The following SEMA3D variants were observed in gnomAD, a reference collection of about 807,000 sequenced individuals.
The protein encoded by SEMA3D is semaphorin-3D.
In SEMA3D, 84 loss-of-function variants were observed where a neutral mutation model predicts 100.1. The observed-to-expected ratio is 0.84, with a 90% confidence interval of 0.70 to 1.01. The LOEUF is 1.01. Ranked by LOEUF, SEMA3D falls within the 50% of genes least tolerant of loss-of-function variation. The pLI, the probability that SEMA3D is intolerant of heterozygous loss-of-function variation, is 0.00. For synonymous variants in SEMA3D, 312 were observed against 320.7 expected, an observed-to-expected ratio of 0.97 and a Z score of 0.29; for missense variants, 875 against 934.1, an observed-to-expected ratio of 0.94 and a Z score of 0.82.
intron 2 of SEMA3D, among the ~76,000 whole-genome samples, chr7:85,128,230 C>T (rs951227390): frequency 1.3e-5 from 2 of 151,760 alleles, no homozygotes; most frequent in African/African-American, 4.8e-5. Flanking sequence ...TGCAGTGGAG[C>T]AATATCTGCT....
At chr7:85,114,765 A>G (rs574163570) in intron 3 of SEMA3D, among the ~76,000 whole-genome samples, 22 of 152,338 alleles carry the variant, frequency 1.4e-4, no homozygotes, top group Admixed American at 1.4e-3. Context: ...CTCCTTATAT[A>G]TAAGAATAAG....
intron 8 of SEMA3D, among the ~76,000 whole-genome samples, chr7:85,063,024 A>T (rs1044306991): frequency 6.6e-5 from 10 of 152,186 alleles, no homozygotes; most frequent in Non-Finnish European, 1.2e-4. Context: ...GTACCACATG[A>T]TACCTAATAA....
At chr7:85,105,362 G>A (rs1373764520) in intron 3 of SEMA3D, among the ~76,000 whole-genome samples, 2 of 151,948 alleles carry the variant, frequency 1.3e-5, no homozygotes, top group South Asian at 4.1e-4. Flanking sequence ...TTAACATTGG[G>A]AAAATTAGCT....
the SEMA3D span, among the ~76,000 whole-genome samples, chr7:85,239,848 G>A: frequency 6.3e-4 from 96 of 152,208 alleles, 2 homozygotes; most frequent in South Asian, 9.3e-3. Context: ...AAAGGAAAGC[G>A]ATTGTCTTTT....
At chr7:85,222,551 A>T in the SEMA3D span, among the ~76,000 whole-genome samples, 1 of 152,106 alleles carries the variant, frequency 6.6e-6, no homozygotes, top group Non-Finnish European at 1.5e-5. Flanking sequence ...TCACTGTTCT[A>T]AAAGTATGGC....
chr7:84,997,578 T>C lies in SEMA3D; in HGVS notation c.*1862A>G, dbSNP rs993726238. 6.6e-6 allele frequency: 1 copy of C among 152,178 alleles called. No homozygotes were observed. The highest frequency in any genetic ancestry group is 1.5e-5 in the Non-Finnish European group (1 of 67,988). 9.4% of individuals were successfully genotyped at this position (152,178 alleles called of 1,614,324 possible). On this transcript the variant is annotated 3_prime_UTR_variant, in exon 19 of 19. Transcript: ENST00000284136. ...TAATATCAAAAGGGAGTACTCAATC[T>C]CATATATCAGTTTGACTACTTTGAG...
chr7:85,124,896 T>C (rs1789522178), intron 2 of SEMA3D, among the ~76,000 whole-genome samples: 1 of 152,090 alleles, frequency 6.6e-6, no homozygotes, highest in Non-Finnish European at 1.5e-5. Context: ...CGTACTGCCT[T>C]TTGGTATTGA....
At chr7:85,244,980 G>A in the SEMA3D span, among the ~76,000 whole-genome samples, 13 of 152,084 alleles carry the variant, frequency 8.5e-5, no homozygotes, top group Non-Finnish European at 1.8e-4. Context: ...AAAGTGTTGG[G>A]ATTTACAGGC....
At chr7:85,024,831 CAA>C (rs1281834209) in intron 12 of SEMA3D, among the ~76,000 whole-genome samples, 1 of 151,918 alleles carries the variant, frequency 6.6e-6, no homozygotes, top group Non-Finnish European at 1.5e-5. Context: ...TCAGTACATT[CAA>C]ACCAGTGGAA....
chr7:85,237,178 T>C, the SEMA3D span, among the ~76,000 whole-genome samples: 1 of 152,190 alleles, frequency 6.6e-6, no homozygotes, highest in African/African-American at 2.4e-5. Context: ...CAGCAGAACA[T>C]ACAGTTAGAA....
rs552407097 is a variant in SEMA3D, at chr7:85,166,698, C to T, written c.-172-12959G>A. The stretch of plus-strand genomic sequence containing the variant: ...GGGAACCCAGGTGGGACTAGGTTCA[C>T]AGGACCTTCTCTGTATTGCATTAGA... On this transcript the variant is annotated intron_variant, in intron 1 of 18. Coordinates refer to ENST00000284136, the MANE Select transcript of SEMA3D (RefSeq NM_001384900.1). Among the ~76,000 whole-genome samples the T allele has an allele frequency of 7.9e-5, 12 of 151,980 alleles. No individual in the cohort carries two copies. In the South Asian group the frequency reaches 2.5e-3, roughly 31 times the overall value.
chr7:85,072,944 G>A lies in SEMA3D; in HGVS notation c.495+18C>T, dbSNP rs1181052545. 1.9e-6 allele frequency: 3 copies of A among 1,573,978 alleles called. No individual in the cohort carries two copies. Among genetic ancestry groups the A allele is most frequent in the East Asian group, 4.5e-5 (2 of 44,442 alleles). The stretch of plus-strand genomic sequence containing the variant: ...TATTACAATAAATTATGCTTTTCAT[G>A]CTTTTTCATTATATTACCTCCTTGT... On this transcript the variant is annotated intron_variant, in intron 6 of 18. Transcript: ENST00000284136.
chr7:85,174,769 C>T (rs960535409), intron 1 of SEMA3D, among the ~76,000 whole-genome samples: 14 of 151,996 alleles, frequency 9.2e-5, no homozygotes, highest in East Asian at 5.8e-4. Context: ...CATCGGTTGA[C>T]GGCTGGGAGA....
the SEMA3D span, among the ~76,000 whole-genome samples, chr7:85,226,957 G>C: frequency 3.9e-5 from 6 of 152,090 alleles, no homozygotes; most frequent in East Asian, 1.9e-4. Context: ...TTCTTTTAAA[G>C]TATGTGCATT....
rs543938400 is a variant in SEMA3D at position 85,137,838 on chromosome 7, C to A, written c.-41+15770G>T. On this transcript the variant is annotated intron_variant, in intron 2 of 18. Coordinates refer to ENST00000284136, the MANE Select transcript of SEMA3D (RefSeq NM_001384900.1). ...GAACACATCCCATCTAAATTATATT[C>A]ATTTCCTTCTTCCTCTGTGTGATGT... 2.0e-5 allele frequency among the ~76,000 whole-genome samples: 3 copies of A among 152,232 alleles called. No homozygotes were observed. In the South Asian group the frequency reaches 6.2e-4, roughly 32 times the overall value.
In SEMA3D at chr7:85,040,756, AAAAT is replaced by A; in HGVS notation, c.977-18_977-15del. On this transcript the variant is annotated splice_polypyrimidine_tract_variant and intron_variant, in intron 10 of 18. Transcript: ENST00000284136. ...AATAAATATCTTCTATTAAAGGGGA[AAAAT>A]AAATATTTACTCTTATTTTTCAGTA... The A allele has an allele frequency of 8.7e-7, 1 of 1,150,136 alleles. No individual in the cohort carries two copies. The highest frequency in any genetic ancestry group is 1.3e-6 in the Non-Finnish European group (1 of 765,460). The allele number at this position is 1,150,136 out of a possible 1,614,324, so 71.2% of individuals were successfully genotyped here. A position where few individuals can be genotyped will look rare whatever the true frequency, so the allele number is the denominator to read the frequency against.
At chr7:85,033,332 TACTC>T (rs751205728) in intron 12 of SEMA3D, among the ~76,000 whole-genome samples, 15 of 152,156 alleles carry the variant, frequency 9.9e-5, no homozygotes, top group South Asian at 4.1e-4. Context: ...GGGAGTCTCT[TACTC>T]ACGTTTCAGA....
the SEMA3D span, among the ~76,000 whole-genome samples, chr7:85,243,340 G>T: frequency 6.6e-6 from 1 of 152,158 alleles, no homozygotes; most frequent in Non-Finnish European, 1.5e-5. Context: ...GTTCACAAAA[G>T]TGTAGGGCTC....
chr7:85,237,639 T>C, the SEMA3D span, among the ~76,000 whole-genome samples: 5 of 152,150 alleles, frequency 3.3e-5, no homozygotes, highest in African/African-American at 1.2e-4. Context: ...TGCTGAAAAA[T>C]ATTCTATTGC....
Sources: gnomAD v4.1 joint callset for allele counts (sites outside exome capture counted in the v4.1 genomes callset) on GRCh38, gnomAD v4.1.1 for gene constraint, MANE v1.5 for transcripts, NCBI Gene and HGNC (gene_info 2026-07-23, HGNC 2026-07-21) for gene names.